IL4R: variants seen among roughly 807,000 people sequenced by gnomAD.
The protein encoded by IL4R is interleukin-4 receptor subunit alpha.
In IL4R, 17 loss-of-function variants were observed where a neutral mutation model predicts 41.5. The observed-to-expected ratio is 0.41, with a 90% CI of 0.28 to 0.61. IL4R has a LOEUF of 0.61. Ranked by LOEUF, IL4R falls within the 20% of genes least tolerant of loss-of-function variation. IL4R has a pLI of 0.31. For missense variants in IL4R, 974 were observed against 1,043.1 expected (o/e 0.93, Z 0.91); for synonymous variants, 402 against 422.9 (o/e 0.95, Z 0.61).
chr16:27,314,885 A>C (rs34872711), intron 1 of IL4R, among the ~76,000 whole-genome samples: 14,519 of 152,216 alleles, frequency 0.095, 897 homozygotes, highest in Middle Eastern at 0.15. Context: ...ATGGTGTCTC[A>C]CTATGTTGTC....
chr16:27,363,874 C>A lies in IL4R; in HGVS notation c.*44C>A. 1.3e-6 allele frequency: 2 copies of A among 1,544,292 alleles called. No individual in the cohort carries two copies. Among genetic ancestry groups the A allele is most frequent in the East Asian group, 2.3e-5 (1 of 44,398 alleles). ...CTGAGTCTGCAGATGAGGACTAGGGCTTATCCATGCCTGGGAAATGCCACC... is the reference window on the plus strand; with the variant it reads ...CTGAGTCTGCAGATGAGGACTAGGGATTATCCATGCCTGGGAAATGCCACC... On this transcript the variant is annotated 3_prime_UTR_variant, in exon 11 of 11. Transcript: ENST00000395762.
chr16:27,328,480 C>T (rs1481594352), intron 1 of IL4R, among the ~76,000 whole-genome samples: 1 of 152,080 alleles, frequency 6.6e-6, no homozygotes, highest in African/African-American at 2.4e-5. Flanking sequence ...CTCAGGTGAT[C>T]CACCTGCCTC....
At chr16:27,340,910 C>G (rs984872473) in intron 3 of IL4R, among the ~76,000 whole-genome samples, 7 of 152,184 alleles carry the variant, frequency 4.6e-5, no homozygotes, top group African/African-American at 1.4e-4. Context: ...AGGCCCTGCA[C>G]TGAGCCTGGC....
chr16:27,329,348 C>T (rs1002659675), intron 1 of IL4R, among the ~76,000 whole-genome samples: 1 of 152,094 alleles, frequency 6.6e-6, no homozygotes, highest in African/African-American at 2.4e-5. Flanking sequence ...CAAAAATGGA[C>T]TAACACACTT....
At chr16:27,348,421 A>C (rs898351610) in intron 6 of IL4R, among the ~76,000 whole-genome samples, 1 of 152,172 alleles carries the variant, frequency 6.6e-6, no homozygotes, top group Admixed American at 6.5e-5. Flanking sequence ...AAGATATGTT[A>C]TTTAATATTT....
At chr16:27,344,699 C>T (rs373851372) in intron 4 of IL4R, among the ~76,000 whole-genome samples, 170 bp from the exon 5 acceptor site, 14 of 152,334 alleles carry the variant, frequency 9.2e-5, no homozygotes, top group South Asian at 4.1e-4. Context: ...CAACCCTAGT[C>T]GGCTGCCCCA....
chr16:27,320,390 C>CAT (rs1456740483), intron 1 of IL4R, among the ~76,000 whole-genome samples: 1 of 152,170 alleles, frequency 6.6e-6, no homozygotes, highest in East Asian at 1.9e-4. Context: ...GAAGCCATGG[C>CAT]CCCAACCACG....
intron 9 of IL4R, chr16:27,359,864 A>G: frequency 2.2e-6 from 1 of 455,062 alleles, no homozygotes; most frequent in African/African-American, 2.0e-5. Context: ...GGGTTACAAC[A>G]ACTTTATTTA....
intron 1 of IL4R, among the ~76,000 whole-genome samples, chr16:27,320,511 A>G (rs533909019): frequency 2.0e-5 from 3 of 152,132 alleles, no homozygotes; most frequent in Non-Finnish European, 2.9e-5. Flanking sequence ...GGCTCAGGCT[A>G]GAGACTTACC....
In IL4R at chr16:27,319,740, C is replaced by T. The variant is rs532771202; in HGVS notation, c.-152+5720C>T. Among the ~76,000 whole-genome samples the T allele has an allele frequency of 3.3e-4, 50 of 152,300 alleles. No individual in the cohort carries two copies. In the South Asian group the frequency reaches 7.0e-3, roughly 21 times the overall value. On this transcript the variant is annotated intron_variant, in intron 1 of 10. Transcript: ENST00000395762. ...GTGAGCGAAGTTTTATCTGTATTTA[C>T]AGCTGCTCCCCATCGCTCGCATTAC...
At chr16:27,343,520 G>A (rs1041005406) in intron 4 of IL4R, among the ~76,000 whole-genome samples, 4 of 152,076 alleles carry the variant, frequency 2.6e-5, no homozygotes, top group Admixed American at 6.6e-5. Context: ...TCTGCCTCCC[G>A]GGTTCAAGCG....
At chr16:27,357,424 C>A (rs3024650) in intron 8 of IL4R, among the ~76,000 whole-genome samples, 1 of 152,100 alleles carries the variant, frequency 6.6e-6, no homozygotes, top group Non-Finnish European at 1.5e-5. Flanking sequence ...GGACAACAGG[C>A]GCTTGCCACC....
intron 6 of IL4R, among the ~76,000 whole-genome samples, chr16:27,348,445 T>TC (rs1235075240): frequency 6.6e-6 from 1 of 152,222 alleles, no homozygotes; most frequent in Non-Finnish European, 1.5e-5. Context: ...TATTTCTAGA[T>TC]CTGCCTTCAG....
At chr16:27,340,060 AAAACAAACAAACAAGC>A (rs1258422242) in intron 2 of IL4R, 110 bp from the exon 3 acceptor site, 7 of 660,548 alleles carry the variant, frequency 1.1e-5, no homozygotes, top group African/African-American at 7.3e-5. Flanking sequence ...CTGTCTCGGA[AAAACAAACAAACAAGC>A]AAACAAACAA....
chr16:27,362,628 G>C lies in IL4R; in HGVS notation c.1276G>C (p.Asp426His), dbSNP rs1412998121. Residue 426 changes from aspartate (D) to histidine (H), a missense_variant, in exon 11 of 11, where the codon GAC (aspartate) becomes CAC (histidine). Asp to His is a moderately conservative substitution (Grantham distance 81). Coordinates refer to ENST00000395762, the MANE Select transcript of IL4R (RefSeq NM_000418.4). ...GGAGAATGGGGGCTTTTGCCAGCAG[G>C]ACATGGGGGAGTCATGCCTTCTTCC... The part of the protein sequence containing the change: ...GEENGGFCQQ[D>H]MGESCLLPPS... 9 of 1,614,140 alleles carry C rather than the reference G, an allele frequency of 5.6e-6. No individual in the cohort carries two copies. The highest frequency in any genetic ancestry group is 7.6e-6 in the Non-Finnish European group (9 of 1,180,004).
Position 27,362,976 on chromosome 16 carries a change from G to T in IL4R, c.1624G>T (p.Val542Leu). 2 of 1,614,116 alleles carry T rather than the reference G, an allele frequency of 1.2e-6. No individual in the cohort carries two copies. Among genetic ancestry groups the T allele is most frequent in the Non-Finnish European group, 1.7e-6 (2 of 1,180,022 alleles). The change falls in exon 11 of 11, where the codon GTG (valine) becomes TTG (leucine). Residue 542 changes from valine to leucine, a missense_variant. Physicochemically the swap from Val to Leu is conservative, Grantham distance 32. This residue lies in a region of IL4R where 682 missense variants were observed against 704.3 expected (regional missense o/e 0.97). Transcript: ENST00000395762. ...CVPQLSEPTT[V>L]PQPEPETWEQ... ...CCCCCAGCTCTCTGAGCCAACCACTGTGCCCCAACCTGAGCCAGAAACCTG... is the reference window on the plus strand; with the variant it reads ...CCCCCAGCTCTCTGAGCCAACCACTTTGCCCCAACCTGAGCCAGAAACCTG...
intron 9 of IL4R, 56 bp downstream of exon 9, chr16:27,359,050 T>G: frequency 4.7e-5 from 63 of 1,335,798 alleles, no homozygotes; most frequent in Non-Finnish European, 6.4e-5. Flanking sequence ...GAAGTGTGGT[T>G]CAGAACACCT....
At chr16:27,342,348 G>A (rs2085470538) in intron 4 of IL4R, 89 bp downstream of exon 4, 1 of 1,496,194 alleles carries the variant, frequency 6.7e-7, no homozygotes, top group African/African-American at 1.4e-5. Flanking sequence ...GTGCGCTGGA[G>A]TGCAGGATGC....
At chr16:27,328,319 T>C (rs1325334424) in intron 1 of IL4R, among the ~76,000 whole-genome samples, 1 of 151,696 alleles carries the variant, frequency 6.6e-6, no homozygotes, top group African/African-American at 2.4e-5. Flanking sequence ...TCTCAACTCA[T>C]TGCAGCCTCT....
Sources: allele counts gnomAD v4.1 joint callset (sites outside exome capture counted in the v4.1 genomes callset), GRCh38; gene constraint gnomAD v4.1.1; regional missense constraint gnomAD v4.1.1; transcripts MANE v1.5; gene names NCBI Gene and HGNC (gene_info 2026-07-23, HGNC 2026-07-21).